Variants in CCDC187 observed in about 807,000 individuals in gnomAD.
The protein encoded by CCDC187 is coiled-coil domain containing 187, also known as coiled-coil domain-containing protein 187.
CCDC187 carries 32 observed loss-of-function variants against 38.0 expected under a neutral mutation model. The observed-to-expected ratio is 0.84, with a 90% CI of 0.64 to 1.13. The LOEUF is 1.13. CCDC187 is among the 50% of genes most tolerant of loss of function. The pLI, the probability that CCDC187 is intolerant of heterozygous loss-of-function variation, is 0.00. For missense variants in CCDC187, 707 were observed against 786.8 expected, an observed-to-expected ratio of 0.90 and a Z score of 1.21; for synonymous variants, 333 against 347.9, an observed-to-expected ratio of 0.96 and a Z score of 0.48.
chr9:136,293,247 A>G (rs1231749132), intron 4 of CCDC187, among the ~76,000 whole-genome samples: 6 of 144,400 alleles, frequency 4.2e-5, no homozygotes, highest in Admixed American at 6.8e-5. Context: ...TCACACTCAC[A>G]TGCTTACACA....
Position 136,268,032 on chromosome 9 carries a change from G to A in CCDC187, c.3519+17C>T. ...TCCTGAAATTGTGCCTCTCCCCCAGGGGACCTCTCCACGTACCTGGTGGGT... is the reference window on the plus strand; with the variant it reads ...TCCTGAAATTGTGCCTCTCCCCCAGAGGACCTCTCCACGTACCTGGTGGGT... On this transcript the variant is annotated intron_variant, in intron 15 of 25. Transcript: ENST00000638797. The A allele has an allele frequency of 1.0e-6, 1 of 985,414 alleles. No individual in the cohort carries two copies. Among genetic ancestry groups the A allele is most frequent in the Non-Finnish European group, 1.2e-6 (1 of 829,890 alleles). The allele number at this position is 985,414 out of a possible 1,614,324, so 61.0% of individuals were successfully genotyped here. A position where few individuals can be genotyped will look rare whatever the true frequency, so the allele number is the denominator to read the frequency against.
In CCDC187 at chr9:136,254,681, C is replaced by CG. The variant is rs1487333034; in HGVS notation, c.5146dup (p.Arg1716ProfsTer153). 4.1e-6 allele frequency: 4 copies of CG among 985,416 alleles called. No individual in the cohort carries two copies. Among genetic ancestry groups the CG allele is most frequent in the South Asian group, 4.7e-5 (1 of 21,290 alleles). 61.0% of individuals were successfully genotyped at this position (985,416 alleles called of 1,614,324 possible). ...CATGGCCGTGTCCAAGGAGGAGCCA[C>CG]GCAGGGGGCCGGCCCTGCGGCCCTG... On this transcript the variant is annotated frameshift_variant, in exon 26 of 26. Coordinates refer to ENST00000638797, the MANE Select transcript of CCDC187 (RefSeq NM_001378188.1). LOFTEE classifies it low-confidence loss of function (END_TRUNC).
intron 6 of CCDC187, 62 bp from the exon 7 acceptor site, chr9:136,290,115 T>C: frequency 2.5e-6 from 1 of 398,484 alleles, no homozygotes; most frequent in Non-Finnish European, 4.4e-6. Flanking sequence ...CCCCGTTCTC[T>C]CAGCCTCAGA....
intron 12 of CCDC187, 97 bp from the exon 13 acceptor site, chr9:136,275,104 G>A (rs557061944): frequency 6.6e-6 from 1 of 152,418 alleles, no homozygotes; most frequent in East Asian, 1.9e-4. Flanking sequence ...CAGTCCCAAG[G>A]AGGAGCCTGA....
At chr9:136,277,566 G>A (rs1295871370) in intron 10 of CCDC187, among the ~76,000 whole-genome samples, 1 of 151,944 alleles carries the variant, frequency 6.6e-6, no homozygotes, top group African/African-American at 2.4e-5. Flanking sequence ...CAAGTCCAGG[G>A]CTCTCCTTGG....
chr9:136,273,960 C>G (rs1049891709), intron 14 of CCDC187, among the ~76,000 whole-genome samples: 4 of 152,238 alleles, frequency 2.6e-5, no homozygotes, highest in Non-Finnish European at 5.9e-5. Flanking sequence ...TGCACGCAGA[C>G]CCTTCCTTGT....
chr9:136,269,751 AACAC>A (rs1273327344), intron 14 of CCDC187, among the ~76,000 whole-genome samples: 1 of 152,214 alleles, frequency 6.6e-6, no homozygotes, highest in Non-Finnish European at 1.5e-5. Flanking sequence ...AAACCAGAAA[AACAC>A]AACCAGTAAT....
Position 136,258,367 on chromosome 9 carries a change from G to T in CCDC187, c.4366+565C>A, listed in dbSNP as rs1041295571. The stretch of plus-strand genomic sequence containing the variant: ...CCCTGCTTCCGAGGATGGACACTGG[G>T]TGGGGGCCTTCTGAATTCGGCACCC... On this transcript the variant is annotated intron_variant, in intron 22 of 25. Coordinates refer to ENST00000638797, the MANE Select transcript of CCDC187 (RefSeq NM_001378188.1). The surrounding 1 kb of genome is among the most constrained non-coding windows in gnomAD (Gnocchi z 4.3). Among the ~76,000 whole-genome samples, 7 of 152,210 alleles carry T rather than the reference G, an allele frequency of 4.6e-5. No homozygotes were observed. The highest frequency in any genetic ancestry group is 1.5e-5 in the Non-Finnish European group (1 of 68,036).
chr9:136,297,303 G>A (rs956761014), intron 4 of CCDC187, among the ~76,000 whole-genome samples: 30 of 150,648 alleles, frequency 2.0e-4, no homozygotes, highest in Admixed American at 2.6e-4. Context: ...TGTGAGCTGC[G>A]GGTGGTGTGA....
intron 6 of CCDC187, 60 bp downstream of exon 6, chr9:136,290,426 G>A (rs1380645721): frequency 5.0e-6 from 2 of 398,352 alleles, no homozygotes; most frequent in Non-Finnish European, 8.8e-6. Context: ...CAGCACCTGA[G>A]CGCCTAAGCC....
Position 136,254,567 on chromosome 9 carries a change from A to C in CCDC187, c.5261T>G (p.Leu1754Arg), listed in dbSNP as rs1830589693. The C allele has an allele frequency of 2.0e-6, 2 of 985,316 alleles. No homozygotes were observed. Among genetic ancestry groups the C allele is most frequent in the African/African-American group, 3.5e-5 (2 of 57,206 alleles). The allele number at this position is 985,316 out of a possible 1,614,324, so 61.0% of individuals were successfully genotyped here. The change falls in exon 26 of 26, where the codon CTG becomes CGG. Residue 1754 changes from leucine to arginine, a missense_variant. By Grantham distance (102) the Leu-to-Arg change is moderately radical. Transcript: ENST00000638797. ...DIPSPRSGSELSEASSKVWEE... is the reference protein window; with the variant it reads ...DIPSPRSGSERSEASSKVWEE... Reference sequence around the variant, plus strand: ...CCAAACTTTGCTGGAGGCCTCTGACAGCTCTGACCCTGACCTTGGAGAGGG... The same window carrying C: ...CCAAACTTTGCTGGAGGCCTCTGACCGCTCTGACCCTGACCTTGGAGAGGG...
rs991511788 is a variant in CCDC187 at position 136,291,012 on chromosome 9, G to A, written c.1601C>T (p.Ala534Val). The A allele has an allele frequency of 3.3e-5, 13 of 398,700 alleles. No homozygotes were observed. In the Middle Eastern group the frequency reaches 1.9e-3, roughly 58 times the overall value. 24.7% of individuals were successfully genotyped at this position (398,700 alleles called of 1,614,324 possible). ...RSPFPQQPWS[A>V]VATQPCPRRA... The stretch of plus-strand genomic sequence containing the variant: ...CCGTGGACAGGGCTGTGTGGCTACA[G>A]CACTCCAGGGCTGCTGGGGGAAGGG... The change falls in exon 6 of 26, where the codon GCT (alanine) becomes GTT (valine). Residue 534 changes from alanine to valine, a missense_variant. Coordinates refer to ENST00000638797, the MANE Select transcript of CCDC187 (RefSeq NM_001378188.1).
intron 15 of CCDC187, 66 bp from the exon 16 acceptor site, chr9:136,267,577 T>C: frequency 1.0e-6 from 1 of 985,464 alleles, no homozygotes; most frequent in Non-Finnish European, 1.2e-6. Context: ...CTCGCGGGGC[T>C]CCAGTAGGGT....
intron 10 of CCDC187, among the ~76,000 whole-genome samples, chr9:136,278,936 C>T (rs1830984537): frequency 6.6e-6 from 1 of 152,262 alleles, no homozygotes; most frequent in Non-Finnish European, 1.5e-5. Context: ...GCAGAAGGTT[C>T]TGGTGGACAG....
At position 136,283,046 on chromosome 9, in the gene CCDC187, C is replaced by T. The variant is rs959361126; in HGVS notation, c.2928-1383G>A. ...TGGGCAGATCACAAGGTCAGGAGTT[C>T]GAGACCAGCCTGGCCAATATGGTGA... On this transcript the variant is annotated intron_variant, in intron 9 of 25. Coordinates refer to ENST00000638797, the MANE Select transcript of CCDC187 (RefSeq NM_001378188.1). Among the ~76,000 whole-genome samples, 10 of 152,254 alleles carry T rather than the reference C, an allele frequency of 6.6e-5. No individual in the cohort carries two copies. The South Asian group carries it at 8.3e-4, about 13-fold the overall frequency.
chr9:136,287,481 C>T (rs1831209526), intron 7 of CCDC187, among the ~76,000 whole-genome samples: 1 of 152,168 alleles, frequency 6.6e-6, no homozygotes, highest in Non-Finnish European at 1.5e-5. Flanking sequence ...ACGCTTGCTT[C>T]CTTACCCTTC....
At chr9:136,256,121 G>T in intron 24 of CCDC187, 90 bp downstream of exon 24, 2 of 625,414 alleles carry the variant, frequency 3.2e-6, no homozygotes, top group Non-Finnish European at 4.0e-6. Context: ...AGAGAGTGAG[G>T]GTCCCCACAG....
At chr9:136,266,799 C>G (rs966419428) in intron 16 of CCDC187, 2 of 152,246 alleles carry the variant, frequency 1.3e-5, no homozygotes, top group African/African-American at 4.8e-5. Flanking sequence ...ACAGAGTATC[C>G]GCACTGGGCG....
intron 16 of CCDC187, chr9:136,266,612 C>A (rs1830752165): frequency 6.6e-6 from 1 of 152,224 alleles, no homozygotes; most frequent in African/African-American, 2.4e-5. Flanking sequence ...GCCCGGAGAT[C>A]CGGGACAAGC....
Sources: gnomAD v4.1 joint callset for allele counts (sites outside exome capture counted in the v4.1 genomes callset) on GRCh38, gnomAD v4.1.1 for gene constraint, Gnocchi (gnomAD v3.1) non-coding constraint, MANE v1.5 for transcripts, NCBI Gene and HGNC (gene_info 2026-07-23, HGNC 2026-07-21) for gene names.